Variants in GFPT2 observed in about 807,000 individuals in gnomAD.
The protein encoded by GFPT2 is glutamine--fructose-6-phosphate aminotransferase [isomerizing] 2.
Under a neutral mutation model 85.6 loss-of-function variants are expected in GFPT2, and 62 were observed. That is an observed-to-expected ratio of 0.72 (90% CI 0.59 to 0.90). The LOEUF (loss-of-function observed/expected upper bound fraction) is 0.90. Ranked by LOEUF, GFPT2 falls within the 40% of genes least tolerant of loss-of-function variation. The probability of loss-of-function intolerance (pLI) is 0.00; values close to 1 mark genes in which losing one functional copy is unlikely to be tolerated. For missense variants in GFPT2, 788 were observed against 893.4 expected, an observed-to-expected ratio of 0.88 and a Z score of 1.50; for synonymous variants, 368 against 344.5, an observed-to-expected ratio of 1.07 and a Z score of -0.75.
chr5:180,328,139 G>A lies in GFPT2; in HGVS notation c.596+138C>T, dbSNP rs1265377135. On this transcript the variant is annotated intron_variant, in intron 7 of 18. Coordinates refer to ENST00000253778, the MANE Select transcript of GFPT2 (RefSeq NM_005110.4). This position sits in a 1 kb window ranked among gnomAD's most constrained non-coding sequence, Gnocchi z 5.4. ...TGGAGATGGTGGGGCGCGGTCCCCG[G>A]GGCTGAGCCACAGTTGTTCTTTAGA... is the stretch of plus-strand genomic sequence containing the variant. The A allele has an allele frequency of 3.2e-6, 2 of 628,508 alleles. No individual in the cohort carries two copies. Among genetic ancestry groups the A allele is most frequent in the East Asian group, 5.8e-5 (2 of 34,444 alleles). The allele number at this position is 628,508 out of a possible 1,614,324, so 38.9% of individuals were successfully genotyped here. A position where few individuals can be genotyped will look rare whatever the true frequency, so the allele number is the denominator to read the frequency against.
chr5:180,352,530 C>T (rs1465682414), intron 1 of GFPT2: 1 of 444,188 alleles, frequency 2.3e-6, no homozygotes, highest in Admixed American at 2.4e-5. Flanking sequence ...GAATCGGACG[C>T]CCGGCCCCGC....
At chr5:180,346,554 G>A (rs374288337) in intron 1 of GFPT2, among the ~76,000 whole-genome samples, 15 of 152,182 alleles carry the variant, frequency 9.9e-5, no homozygotes, top group Non-Finnish European at 1.9e-4. Context: ...GGCCCACCGC[G>A]TGACGTCAAC....
chr5:180,337,225 C>T (rs373671126), intron 2 of GFPT2, among the ~76,000 whole-genome samples: 19 of 152,212 alleles, frequency 1.2e-4, no homozygotes, highest in African/African-American at 2.6e-4. Flanking sequence ...GAGGCCAGGG[C>T]GGGTGGATCA....
In GFPT2 at chr5:180,338,874, C is replaced by G. The variant is rs375926784; in HGVS notation, c.8-274G>C. Among the ~76,000 whole-genome samples, 40 of 152,294 alleles carry G rather than the reference C, an allele frequency of 2.6e-4. 3 individuals carry two copies. In the East Asian group the frequency reaches 6.8e-3, roughly 26 times the overall value. ...TGTACTTGCAGGAGGCAGCTTTCAG[C>G]GTGGCAATGTCCATAATAGAAAAGG... On this transcript the variant is annotated intron_variant, in intron 1 of 18. Transcript: ENST00000253778.
chr5:180,308,008 G>A (rs1042697995), intron 15 of GFPT2, among the ~76,000 whole-genome samples: 1 of 152,132 alleles, frequency 6.6e-6, no homozygotes, highest in Non-Finnish European at 1.5e-5. Context: ...TGTAATCCCA[G>A]CACTTTGGAA....
chr5:180,311,431 A>G (rs1410524568), intron 15 of GFPT2, among the ~76,000 whole-genome samples: 4 of 152,236 alleles, frequency 2.6e-5, no homozygotes, highest in African/African-American at 9.6e-5. Context: ...ACGGTCCCCA[A>G]GGAGGTCATG....
At chr5:180,319,304 C>G (rs1764074772) in intron 9 of GFPT2, among the ~76,000 whole-genome samples, 2 of 152,198 alleles carry the variant, frequency 1.3e-5, no homozygotes, top group South Asian at 4.1e-4. Flanking sequence ...GTTTACATAT[C>G]TCCAATAATC....
intron 9 of GFPT2, 93 bp from the exon 10 acceptor site, chr5:180,319,049 C>G: frequency 8.3e-7 from 1 of 1,207,820 alleles, no homozygotes. Context: ...GAGGCCACAT[C>G]GTTGGCATTT....
chr5:180,316,971 G>C lies in GFPT2; in HGVS notation c.1046C>G (p.Thr349Ser). The change falls in exon 11 of 19, where the codon ACC (threonine) becomes AGC (serine). Residue 349 changes from threonine (T) to serine (S), a missense_variant. By Grantham distance (58) the Thr-to-Ser change is moderately conservative (BLOSUM62 1). Transcript: ENST00000253778. ...NTMRGRVNFE[T>S]NTVLLGGLKD... is the part of the protein sequence containing the mutation. ...CCGAGTGTAGGAATTACCTGTGTTG[G>C]TTTCAAAATTCACCCGACCTCTCAT... is the stretch of plus-strand genomic sequence containing the variant. 6.2e-7 allele frequency: 1 copy of C among 1,603,240 alleles called. No individual in the cohort carries two copies. The highest frequency in any genetic ancestry group is 8.5e-7 in the Non-Finnish European group (1 of 1,170,084).
At chr5:180,349,234 G>A (rs1460052442) in intron 1 of GFPT2, among the ~76,000 whole-genome samples, 2 of 152,006 alleles carry the variant, frequency 1.3e-5, no homozygotes, top group Non-Finnish European at 2.9e-5. Flanking sequence ...TTGAGCCCAG[G>A]AGTTCAAGGA....
chr5:180,351,419 C>T lies in GFPT2; in HGVS notation c.7+1792G>A, dbSNP rs973845052. On this transcript the variant is annotated intron_variant, in intron 1 of 18. Transcript: ENST00000253778. ...CTGCTGAGCTGTGCCCTCCCCACTT[C>T]CCCCACCCTGCCCCCAGCCCCAAAT... Among the ~76,000 whole-genome samples the T allele has an allele frequency of 4.6e-5, 7 of 151,978 alleles. No homozygotes were observed. In the East Asian group the frequency reaches 9.7e-4, roughly 21 times the overall value.
intron 14 of GFPT2, among the ~76,000 whole-genome samples, chr5:180,313,286 A>C (rs1763930576): frequency 6.6e-6 from 1 of 152,054 alleles, no homozygotes. Context: ...ATGGGAATAA[A>C]ATGAGACTAA....
At position 180,330,048 on chromosome 5, in the gene GFPT2, A is replaced by G. The variant is rs370404249; in HGVS notation, c.534+652T>C. ...CCTATCACAAAAACAGGCCAGGCACAGTGGCTCACGCCTGTAAATCCCAGC... is the reference window on the plus strand; with the variant it reads ...CCTATCACAAAAACAGGCCAGGCACGGTGGCTCACGCCTGTAAATCCCAGC... On this transcript the variant is annotated intron_variant, in intron 6 of 18. Transcript: ENST00000253778. The surrounding 1 kb of genome is among the most constrained non-coding windows in gnomAD (Gnocchi z 4.4). Among the ~76,000 whole-genome samples the G allele has an allele frequency of 6.6e-6, 1 of 152,224 alleles. No individual in the cohort carries two copies. The highest frequency in any genetic ancestry group is 1.9e-4 in the East Asian group (1 of 5,194).
At chr5:180,327,242 C>T (rs906888763) in intron 7 of GFPT2, among the ~76,000 whole-genome samples, 1 of 152,186 alleles carries the variant, frequency 6.6e-6, no homozygotes, top group African/African-American at 2.4e-5. Context: ...GTCCGCCTCT[C>T]CACTCCCCAC....
chr5:180,312,419 C>T lies in GFPT2; in HGVS notation c.1546+11G>A, dbSNP rs1283638870. 1.4e-6 allele frequency: 2 copies of T among 1,392,142 alleles called. No individual in the cohort carries two copies. Among genetic ancestry groups the T allele is most frequent in the Non-Finnish European group, 2.0e-6 (2 of 977,368 alleles). 86.2% of individuals were successfully genotyped at this position (1,392,142 alleles called of 1,614,324 possible). On this transcript the variant is annotated intron_variant, in intron 15 of 18. Coordinates refer to ENST00000253778, the MANE Select transcript of GFPT2 (RefSeq NM_005110.4). ...ATCTGAAAACATGGAAAGCTGAATT[C>T]TAGAACATACCAGGTAAAGATCTCA... is the stretch of plus-strand genomic sequence containing the variant.
intron 1 of GFPT2, among the ~76,000 whole-genome samples, chr5:180,339,324 G>A (rs1276049907): frequency 1.4e-5 from 2 of 146,200 alleles, no homozygotes; most frequent in Non-Finnish European, 3.0e-5. Context: ...AGGTTGCAGT[G>A]AGCCGAGATC....
intron 1 of GFPT2, among the ~76,000 whole-genome samples, chr5:180,343,390 C>T (rs1040531344): frequency 1.3e-5 from 2 of 152,244 alleles, no homozygotes; most frequent in Non-Finnish European, 2.9e-5. Context: ...GGACCACCAG[C>T]TGTGTCCGTA....
At chr5:180,324,058 T>G in intron 9 of GFPT2, 130 bp downstream of exon 9, 1 of 685,844 alleles carries the variant, frequency 1.5e-6, no homozygotes, top group South Asian at 1.8e-5. Context: ...ATGGCTGAAC[T>G]CTTCTTTGGC....
In GFPT2 at chr5:180,304,774, G is replaced by A. The variant is rs1236309567; in HGVS notation, c.1840C>T (p.Gln614Ter). Residue 614 changes from glutamine (Q) to a stop codon, truncating the protein, a stop_gained and splice_region_variant, in exon 17 of 19, where the codon CAG (glutamine) becomes TAG (stop). Coordinates refer to ENST00000253778, the MANE Select transcript of GFPT2 (RefSeq NM_005110.4). LOFTEE classifies it high-confidence loss of function. Reference sequence around the variant, plus strand: ...CCAGTCCAGTGGAGAGCCCTCACCTGGCGGGCCGTGACTTGCTGCAGGGCG... The same window carrying A: ...CCAGTCCAGTGGAGAGCCCTCACCTAGCGGGCCGTGACTTGCTGCAGGGCG... Reference protein sequence around the residue: ...QNALQQVTARQGRPIILCSKD... With the variant: ...QNALQQVTAR The A allele has an allele frequency of 6.2e-7, 1 of 1,611,892 alleles. No homozygotes were observed.
Sources: gnomAD v4.1 joint callset for allele counts (sites outside exome capture counted in the v4.1 genomes callset) on GRCh38, gnomAD v4.1.1 for gene constraint, Gnocchi (gnomAD v3.1) non-coding constraint, MANE v1.5 for transcripts, NCBI Gene and HGNC (gene_info 2026-07-23, HGNC 2026-07-21) for gene names.